The following DNER variants were observed in gnomAD, a reference collection of about 807,000 sequenced individuals.
DNER encodes delta/notch like EGF repeat containing.
DNER carries 33 observed loss-of-function variants against 78.2 expected under a neutral mutation model. That is an observed-to-expected ratio of 0.42 (90% CI 0.32 to 0.56). DNER has a LOEUF of 0.56. Ranked by LOEUF, DNER falls within the 20% of genes least tolerant of loss-of-function variation. The pLI is 0.11. For synonymous variants in DNER, 417 were observed against 384.8 expected (o/e 1.08, Z -0.98); for missense variants, 918 against 975.3 (o/e 0.94, Z 0.78).
At chr2:229,570,386 A>C (rs1178066441) in intron 4 of DNER, among the ~76,000 whole-genome samples, 2 of 152,162 alleles carry the variant, frequency 1.3e-5, no homozygotes, top group African/African-American at 2.4e-5. Flanking sequence ...TAATCTCAGC[A>C]CTTTGGGAGG....
At position 229,418,100 on chromosome 2, in the gene DNER, C is replaced by A; in HGVS notation, c.1609+8G>T. ...ATTCTGGCACAGGAAGGCCAGGCGG[C>A]CTCTCACCTTTGTATTCTGCCAGGC... On this transcript the variant is annotated splice_region_variant and intron_variant, in intron 9 of 12. Transcript: ENST00000341772. 1 of 1,614,142 alleles carries A rather than the reference C, an allele frequency of 6.2e-7. No individual in the cohort carries two copies. The highest frequency in any genetic ancestry group is 8.5e-7 in the Non-Finnish European group (1 of 1,180,000).
rs973560545 is a variant in DNER at position 229,564,214 on chromosome 2, A to C, written c.848-17122T>G. 3.4e-5 allele frequency among the ~76,000 whole-genome samples: 5 copies of C among 145,708 alleles called. 1 individual carries two copies. The highest frequency in any genetic ancestry group is 2.1e-4 in the East Asian group (1 of 4,772). On this transcript the variant is annotated intron_variant, in intron 4 of 12. Transcript: ENST00000341772. The stretch of plus-strand genomic sequence containing the variant: ...TCATCACCCCACCACTATCATCATC[A>C]TCCTCCTCACCTCATCTCCATCATC...
At chr2:229,643,073 C>T (rs901388786) in intron 1 of DNER, among the ~76,000 whole-genome samples, 1 of 152,072 alleles carries the variant, frequency 6.6e-6, no homozygotes, top group Non-Finnish European at 1.5e-5. Flanking sequence ...AGAAATTACC[C>T]AGGCATCATA....
chr2:229,626,548 G>A (rs1698348069), intron 1 of DNER, among the ~76,000 whole-genome samples: 1 of 152,190 alleles, frequency 6.6e-6, no homozygotes, highest in South Asian at 2.1e-4. Context: ...TCCTTTCATT[G>A]TAAGGGCCTA....
At chr2:229,374,246 A>G (rs777999683) in intron 11 of DNER, among the ~76,000 whole-genome samples, 3 of 141,646 alleles carry the variant, frequency 2.1e-5, no homozygotes, top group Admixed American at 7.2e-5. Context: ...ACTAGGGAGT[A>G]AGGAAAGGAA....
intron 4 of DNER, among the ~76,000 whole-genome samples, chr2:229,581,880 T>TTTTTATTTA (rs532170514): frequency 7.0e-4 from 107 of 152,194 alleles, no homozygotes; most frequent in African/African-American, 2.5e-3. Context: ...TTATGTTTAT[T>TTTTTATTTA]TTTATTTATT....
chr2:229,502,215 C>A (rs1695634931), intron 6 of DNER, among the ~76,000 whole-genome samples: 1 of 152,132 alleles, frequency 6.6e-6, no homozygotes, highest in African/African-American at 2.4e-5. Context: ...TAAAGTAGAA[C>A]CCATCAGTGC....
intron 12 of DNER, among the ~76,000 whole-genome samples, chr2:229,362,846 T>C (rs1692246404): frequency 6.6e-6 from 1 of 152,198 alleles, no homozygotes; most frequent in Admixed American, 6.5e-5. Flanking sequence ...CAAAAGATAC[T>C]GTAACCAGTT....
chr2:229,363,315 A>T (rs988052076), intron 12 of DNER, among the ~76,000 whole-genome samples: 15 of 152,202 alleles, frequency 9.9e-5, no homozygotes, highest in Admixed American at 2.6e-4. Flanking sequence ...AGTCATTCTG[A>T]TCCAATGTCA....
intron 1 of DNER, among the ~76,000 whole-genome samples, chr2:229,641,530 C>T (rs1698624248): frequency 8.2e-6 from 1 of 122,382 alleles, no homozygotes; most frequent in South Asian, 3.1e-4. Flanking sequence ...CACACACACA[C>T]ACTTGCTCAC....
At chr2:229,597,559 G>A (rs1861616) in intron 1 of DNER, among the ~76,000 whole-genome samples, 55,440 of 152,002 alleles carry the variant, frequency 0.36, 10,285 homozygotes, top group East Asian at 0.5. Context: ...ATCAGAATTA[G>A]TAGACCTAAC....
chr2:229,527,185 A>C (rs1248755354), intron 5 of DNER, among the ~76,000 whole-genome samples: 1 of 144,654 alleles, frequency 6.9e-6, no homozygotes, highest in Non-Finnish European at 1.5e-5. Flanking sequence ...AGCTCCTCTA[A>C]ACTTAGCCTG....
At chr2:229,625,372 GCC>G (rs1477530914) in intron 1 of DNER, among the ~76,000 whole-genome samples, 1 of 151,914 alleles carries the variant, frequency 6.6e-6, no homozygotes, top group Non-Finnish European at 1.5e-5. Flanking sequence ...CTCCCTTACT[GCC>G]ACCTTCTCAC....
intron 7 of DNER, among the ~76,000 whole-genome samples, chr2:229,470,871 T>C (rs1197096307): frequency 1.3e-5 from 2 of 152,092 alleles, no homozygotes; most frequent in Non-Finnish European, 2.9e-5. Context: ...TAAAATAAGA[T>C]AAAATTTTAC....
At chr2:229,512,488 T>G (rs1423570743) in intron 6 of DNER, among the ~76,000 whole-genome samples, 1 of 152,156 alleles carries the variant, frequency 6.6e-6, no homozygotes, top group Non-Finnish European at 1.5e-5. Flanking sequence ...ACATCATATG[T>G]TCTCACTCAT....
intron 11 of DNER, among the ~76,000 whole-genome samples, chr2:229,368,659 AT>A (rs1163966029): frequency 2.0e-5 from 3 of 152,242 alleles, no homozygotes; most frequent in Non-Finnish European, 4.4e-5. Context: ...ACATATATTG[AT>A]TTCTTATTAT....
intron 3 of DNER, chr2:229,586,553 CACA>C: frequency 1.1e-5 from 2 of 176,944 alleles, no homozygotes; most frequent in Non-Finnish European, 1.6e-5. Context: ...AAAAAAAACA[CACA>C]AAACCACCCC....
intron 7 of DNER, among the ~76,000 whole-genome samples, chr2:229,448,159 C>T (rs1163542876): frequency 6.6e-6 from 1 of 151,782 alleles, no homozygotes; most frequent in East Asian, 1.9e-4. Context: ...AGTGATCTAC[C>T]CACACAATGA....
chr2:229,413,330 T>TTTTTTTC, intron 9 of DNER, among the ~76,000 whole-genome samples: 1 of 136,678 alleles, frequency 7.3e-6, no homozygotes, highest in Non-Finnish European at 1.6e-5. Context: ...TCTTTTTTTT[T>TTTTTTTC]TTTTTTTTTT....
Sources: allele counts gnomAD v4.1 joint callset (sites outside exome capture counted in the v4.1 genomes callset), GRCh38; gene constraint gnomAD v4.1.1; transcripts MANE v1.5; gene names NCBI Gene and HGNC (gene_info 2026-07-23, HGNC 2026-07-21).